MFAP3: variants seen among roughly 807,000 people sequenced by gnomAD.
MFAP3 encodes microfibril associated protein 3.
In MFAP3, 8 loss-of-function variants were observed where a neutral mutation model predicts 20.5. The observed-to-expected ratio is 0.39, with a 90% CI of 0.23 to 0.70. The LOEUF (loss-of-function observed/expected upper bound fraction) is 0.70, where lower values mean the gene tolerates loss of function less well. Ranked by LOEUF, MFAP3 falls within the 30% of genes least tolerant of loss-of-function variation. The pLI, the probability that MFAP3 is intolerant of heterozygous loss-of-function variation, is 0.44. For synonymous variants in MFAP3, 140 were observed against 154.0 expected, an observed-to-expected ratio of 0.91 and a Z score of 0.67; for missense variants, 398 against 444.6, an observed-to-expected ratio of 0.90 and a Z score of 0.94.
In MFAP3 at chr5:154,053,201, G is replaced by T. The variant is rs1252711020; in HGVS notation, c.577G>T (p.Ala193Ser). 4 of 1,613,890 alleles carry T rather than the reference G, an allele frequency of 2.5e-6. No homozygotes were observed. Among genetic ancestry groups the T allele is most frequent in the Non-Finnish European group, 3.4e-6 (4 of 1,179,894 alleles). Residue 193 changes from alanine to serine, a missense_variant, in exon 3 of 3, where the codon GCT becomes TCT. Coordinates refer to ENST00000522782, the MANE Select transcript of MFAP3 (RefSeq NM_005927.5). ...CAATGAGTTCTTTAGAACTGAAGGG[G>T]CTGAGAAACTTCAGAAGGCCTTTGA... ...AINEFFRTEG[A>S]EKLQKAFEIA...
chr5:154,043,742 ATT>A (rs33981356), intron 1 of MFAP3, among the ~76,000 whole-genome samples: 4 of 142,942 alleles, frequency 2.8e-5, no homozygotes, highest in Non-Finnish European at 1.6e-5. Flanking sequence ...ATATATATAT[ATT>A]TTTTTTTCCA....
chr5:154,051,799 T>G (rs1161579809), intron 2 of MFAP3: 2 of 152,192 alleles, frequency 1.3e-5, no homozygotes, highest in Non-Finnish European at 2.9e-5. Flanking sequence ...CTAATTTATG[T>G]GCCACTAAAA....
rs955900236 is a variant in MFAP3 at position 154,053,020 on chromosome 5, C to T, written c.396C>T (p.Ala132=). 1.2e-6 allele frequency: 2 copies of T among 1,613,900 alleles called. No individual in the cohort carries two copies. Among genetic ancestry groups the T allele is most frequent in the Middle Eastern group, 1.6e-4 (1 of 6,062 alleles). The change falls in exon 3 of 3, where the codon GCC becomes GCT. Residue 132 remains alanine, a synonymous_variant. Transcript: ENST00000522782. ...YTCFVTSPIR[A]SYSVTLRVIF... is the part of the protein sequence containing the mutation. ...GTTTCGTCACCTCTCCAATTCGTGCCTCCTACTCTGTCACCCTACGTGTTA... is the reference window on the plus strand; with the variant it reads ...GTTTCGTCACCTCTCCAATTCGTGCTTCCTACTCTGTCACCCTACGTGTTA...
intron 2 of MFAP3, among the ~76,000 whole-genome samples, chr5:154,052,338 G>A (rs1773210793): frequency 6.6e-6 from 1 of 151,150 alleles, no homozygotes; most frequent in Admixed American, 6.6e-5. Flanking sequence ...ATATGTGCAA[G>A]GCATACCAGA....
intron 1 of MFAP3, among the ~76,000 whole-genome samples, chr5:154,047,027 C>A (rs1327668750): frequency 6.6e-6 from 1 of 152,154 alleles, no homozygotes; most frequent in East Asian, 1.9e-4. Flanking sequence ...CCTGTCTTTA[C>A]CACAATTTTT....
At position 154,055,468 on chromosome 5, in the gene MFAP3, T is replaced by G. The variant is rs1445909423; in HGVS notation, c.*1755T>G. 2.0e-5 allele frequency among the ~76,000 whole-genome samples: 3 copies of G among 152,194 alleles called. No individual in the cohort carries two copies. The highest frequency in any genetic ancestry group is 7.2e-5 in the African/African-American group (3 of 41,466). On this transcript the variant is annotated 3_prime_UTR_variant, in exon 3 of 3. Coordinates refer to ENST00000522782, the MANE Select transcript of MFAP3 (RefSeq NM_005927.5). ...TTCCATGGAAACCTCTAGAGCCAAA[T>G]AAAAGCTAACCAATCATTTAGCCAA... is the stretch of plus-strand genomic sequence containing the variant.
intron 1 of MFAP3, among the ~76,000 whole-genome samples, chr5:154,043,182 A>G (rs998355811): frequency 6.6e-6 from 1 of 152,298 alleles, no homozygotes; most frequent in African/African-American, 2.4e-5. Flanking sequence ...TGTATACCTG[A>G]AAGATGAAAA....
In MFAP3 at chr5:154,057,377, G is replaced by A. The variant is rs543233273; in HGVS notation, c.*3664G>A. 2.2e-4 allele frequency among the ~76,000 whole-genome samples: 33 copies of A among 152,128 alleles called. No homozygotes were observed. Among genetic ancestry groups the A allele is most frequent in the Non-Finnish European group, 4.1e-4 (28 of 68,000 alleles). On this transcript the variant is annotated 3_prime_UTR_variant, in exon 3 of 3. Coordinates refer to ENST00000522782, the MANE Select transcript of MFAP3 (RefSeq NM_005927.5). ...TAATAAATACTTGCATTATAATTTT[G>A]TCTCTTTTTTAAAGAAAGTCATACT...
intron 2 of MFAP3, among the ~76,000 whole-genome samples, chr5:154,050,355 G>A (rs1773160445): frequency 1.3e-5 from 2 of 152,140 alleles, no homozygotes; most frequent in Non-Finnish European, 2.9e-5. Flanking sequence ...ACACAACTCT[G>A]GGAGCACCCT....
At chr5:154,049,141 G>A (rs1471663337) in intron 1 of MFAP3, among the ~76,000 whole-genome samples, 1 of 152,174 alleles carries the variant, frequency 6.6e-6, no homozygotes, top group Non-Finnish European at 1.5e-5. Flanking sequence ...AATGGTGCAG[G>A]TTGAAATAAA....
Position 154,049,747 on chromosome 5 carries a change from A to G in MFAP3, c.25A>G (p.Thr9Ala), listed in dbSNP as rs1773140255. 1.2e-6 allele frequency: 2 copies of G among 1,613,164 alleles called. No homozygotes were observed. The highest frequency in any genetic ancestry group is 2.2e-5 in the East Asian group (1 of 44,874). Residue 9 changes from threonine (T) to alanine (A), a missense_variant, in exon 2 of 3, where the codon ACT becomes GCT. Transcript: ENST00000522782. MKLHCCLFTLVASIIVPAA... is the reference protein window; with the variant it reads MKLHCCLFALVASIIVPAA... ...CATGAAGCTACATTGTTGCTTATTC[A>G]CTTTAGTGGCAAGTATTATTGTGCC... is the stretch of plus-strand genomic sequence containing the variant.
chr5:154,047,502 G>A (rs1001244853), intron 1 of MFAP3, among the ~76,000 whole-genome samples: 3 of 152,000 alleles, frequency 2.0e-5, no homozygotes, highest in Non-Finnish European at 2.9e-5. Context: ...TGGAGTTGTG[G>A]GGGGCTTTTT....
chr5:154,050,311 G>C (rs1183434382), intron 2 of MFAP3, among the ~76,000 whole-genome samples: 1 of 152,114 alleles, frequency 6.6e-6, no homozygotes, highest in African/African-American at 2.4e-5. Flanking sequence ...GAGTAAATCA[G>C]GGCTGCTGCA....
At chr5:154,052,770 C>T in intron 2 of MFAP3, 150 bp from the exon 3 acceptor site, 1 of 682,326 alleles carries the variant, frequency 1.5e-6, no homozygotes, top group East Asian at 2.8e-5. Context: ...ACAGTCTGCC[C>T]TTTTTTTACA....
intron 1 of MFAP3, among the ~76,000 whole-genome samples, chr5:154,045,125 C>A (rs921030498): frequency 1.3e-5 from 2 of 152,044 alleles, no homozygotes; most frequent in African/African-American, 4.8e-5. Flanking sequence ...CTGCCTCAGC[C>A]CCCACATGCC....
chr5:154,040,869 C>G (rs1772928734), intron 1 of MFAP3, among the ~76,000 whole-genome samples: 1 of 152,120 alleles, frequency 6.6e-6, no homozygotes, highest in South Asian at 2.1e-4. Flanking sequence ...CTTCACCTCT[C>G]TCCATCAATA....
In MFAP3 at chr5:154,053,565, T is replaced by C; in HGVS notation, c.941T>C (p.Val314Ala). 6.2e-7 allele frequency: 1 copy of C among 1,613,910 alleles called. No individual in the cohort carries two copies. Among genetic ancestry groups the C allele is most frequent in the South Asian group, 1.1e-5 (1 of 91,070 alleles). ...AATGAACAAGGCCAGGAAATAGCAGTTCAGGTTTCTGTCCACCTTCAGTCA... is the reference window on the plus strand; with the variant it reads ...AATGAACAAGGCCAGGAAATAGCAGCTCAGGTTTCTGTCCACCTTCAGTCA... Reference protein sequence around the residue: ...SLNEQGQEIAVQVSVHLQSET... With the variant: ...SLNEQGQEIAAQVSVHLQSET... Residue 314 changes from valine to alanine, a missense_variant, in exon 3 of 3, where the codon GTT becomes GCT. Physicochemically the swap from Val to Ala is moderately conservative, Grantham distance 64. Coordinates refer to ENST00000522782, the MANE Select transcript of MFAP3 (RefSeq NM_005927.5).
chr5:154,048,403 G>C (rs142300041), intron 1 of MFAP3, among the ~76,000 whole-genome samples: 3 of 152,214 alleles, frequency 2.0e-5, no homozygotes, highest in East Asian at 3.9e-4. Context: ...GCACCGTATT[G>C]TAATTTAGAC....
intron 2 of MFAP3, among the ~76,000 whole-genome samples, chr5:154,051,297 AGACT>A: frequency 6.6e-6 from 1 of 152,350 alleles, no homozygotes; most frequent in South Asian, 2.1e-4. Flanking sequence ...TCATCACTGT[AGACT>A]GACTGCATAA....
Sources: gnomAD v4.1 joint callset for allele counts (sites outside exome capture counted in the v4.1 genomes callset) on GRCh38, gnomAD v4.1.1 for gene constraint, MANE v1.5 for transcripts, NCBI Gene and HGNC (gene_info 2026-07-23, HGNC 2026-07-21) for gene names.